Variants in NEB observed in about 807,000 individuals in gnomAD.
NEB encodes nebulin, also known as nemaline myopathy type 2.
In NEB, 512 loss-of-function variants were observed where a neutral mutation model predicts 952.2. The observed-to-expected ratio is 0.54, with a 90% CI of 0.50 to 0.58. The LOEUF (loss-of-function observed/expected upper bound fraction) is 0.58, where lower values mean the gene tolerates loss of function less well. Among genes scored for constraint, NEB ranks in the 20% least tolerant of loss-of-function variants. The pLI is 0.00. For synonymous variants in NEB, 2,900 were observed against 3,149.8 expected (o/e 0.92, Z 2.66); for missense variants, 8,428 against 9,231.1 (o/e 0.91, Z 3.56).
In NEB at chr2:151,725,462, T is replaced by C. The variant is rs2150795278; in HGVS notation, c.393A>G (p.Gln131=). The change falls in exon 6 of 182, where the codon CAA becomes CAG. Residue 131 remains glutamine (Q), a synonymous_variant. Coordinates refer to ENST00000397345, the MANE Select transcript of NEB (RefSeq NM_001164508.2). ...ELRRIKKVQD[Q]LSEVKYRMDG... is the part of the protein sequence containing the mutation. ...CAGCAATGCAGCCCACCTCACTGAG[T>C]TGATCTTGTACTTTTTTGATTCTGC... The C allele has an allele frequency of 6.2e-7, 1 of 1,612,786 alleles. No individual in the cohort carries two copies. Among genetic ancestry groups the C allele is most frequent in the Non-Finnish European group, 8.5e-7 (1 of 1,179,054 alleles).
chr2:151,527,622 A>C (rs368135985), intron 146 of NEB, 37 bp from the exon 147 acceptor site: 51 of 1,485,198 alleles, frequency 3.4e-5, no homozygotes, highest in Non-Finnish European at 4.6e-5. Context: ...CACTTGATTC[A>C]GTAGGCTAAA....
chr2:151,666,681 C>T (rs1315739931), intron 40 of NEB, among the ~76,000 whole-genome samples: 1 of 151,878 alleles, frequency 6.6e-6, no homozygotes, highest in Non-Finnish European at 1.5e-5. Context: ...GAGAAGTTGG[C>T]TTATGAAGCA....
chr2:151,571,104 C>T lies in NEB; in HGVS notation c.17014-503G>A, dbSNP rs190348020. Among the ~76,000 whole-genome samples, 32 of 152,292 alleles carry T rather than the reference C, an allele frequency of 2.1e-4. 1 individual carries two copies. The highest frequency in any genetic ancestry group is 4.3e-4 in the Non-Finnish European group (29 of 68,030). On this transcript the variant is annotated intron_variant, in intron 107 of 181. Coordinates refer to ENST00000397345, the MANE Select transcript of NEB (RefSeq NM_001164508.2). ...CACCCCAAACTCTGCCTCCCAGGCT[C>T]AAGCCATTCTCCTTCCTCAGCCTCC...
chr2:151,674,691 A>G, intron 35 of NEB, 107 bp from the exon 36 acceptor site: 1 of 785,780 alleles, frequency 1.3e-6, no homozygotes, highest in African/African-American at 1.7e-5. Context: ...CTCATAGCAC[A>G]TACTGCTTTA....
intron 41 of NEB, among the ~76,000 whole-genome samples, 180 bp downstream of exon 41, chr2:151,665,910 T>C (rs1263373473): frequency 3.3e-5 from 5 of 152,220 alleles, no homozygotes; most frequent in Non-Finnish European, 7.3e-5. Flanking sequence ...TTTGTATGCA[T>C]ATATATAAAA....
At position 151,519,861 on chromosome 2, in the gene NEB, A is replaced by G. The variant is rs2080718757; in HGVS notation, c.22480-93T>C. 5.0e-6 allele frequency: 4 copies of G among 801,220 alleles called. No homozygotes were observed. The Admixed American group carries it at 7.5e-5, about 15-fold the overall frequency. The allele number at this position is 801,220 out of a possible 1,614,324, so 49.6% of individuals were successfully genotyped here. A position where few individuals can be genotyped will look rare whatever the true frequency, so the allele number is the denominator to read the frequency against. Reference sequence around the variant, plus strand: ...GAAACACAAATGCCAAAGAATATGCATTGTACATAGAGTGATCATATAATC... The same window carrying G: ...GAAACACAAATGCCAAAGAATATGCGTTGTACATAGAGTGATCATATAATC... On this transcript the variant is annotated intron_variant, in intron 153 of 181. Coordinates refer to ENST00000397345, the MANE Select transcript of NEB (RefSeq NM_001164508.2).
At chr2:151,646,055 T>C in intron 55 of NEB, 75 bp downstream of exon 55, 1 of 1,117,002 alleles carries the variant, frequency 9.0e-7, no homozygotes, top group Non-Finnish European at 1.3e-6. Context: ...TTCAGAGAAC[T>C]TCTAGACAAT....
chr2:151,578,679 G>A (rs2096976340), intron 105 of NEB, among the ~76,000 whole-genome samples: 2 of 149,394 alleles, frequency 1.3e-5, no homozygotes, highest in Non-Finnish European at 3.0e-5. Context: ...GGGAAGGAGG[G>A]AAGGAAGGAA....
intron 78 of NEB, among the ~76,000 whole-genome samples, chr2:151,611,523 A>G (rs1010655617): frequency 6.6e-6 from 1 of 152,174 alleles, no homozygotes; most frequent in Admixed American, 6.5e-5. Flanking sequence ...TGAGCACTCA[A>G]TTGTACTAGC....
In NEB at chr2:151,524,395, G is replaced by T. The variant is rs1411071874; in HGVS notation, c.22395C>A (p.His7465Gln). ...TTAAGCCATGGCTGCCTTCCTTGCG[G>T]TGCTTGGCTCTGTACTCCACCTGAA... ...QASEVEYRAK[H>Q]RKEGSHGLSM... Residue 7465 changes from histidine to glutamine, a missense_variant, in exon 153 of 182, where the codon CAC (histidine) becomes CAA (glutamine). His to Gln is a conservative substitution (Grantham distance 24, BLOSUM62 0). This residue lies in a region of NEB where 3,374 missense variants were observed against 3,651.5 expected (regional missense o/e 0.92). Coordinates refer to ENST00000397345, the MANE Select transcript of NEB (RefSeq NM_001164508.2). The T allele has an allele frequency of 6.2e-7, 1 of 1,613,942 alleles. No individual in the cohort carries two copies. Among genetic ancestry groups the T allele is most frequent in the Admixed American group, 1.7e-5 (1 of 60,020 alleles).
chr2:151,650,420 C>T (rs2099018079), intron 53 of NEB, 41 bp from the exon 54 acceptor site: 5 of 1,586,532 alleles, frequency 3.2e-6, no homozygotes, highest in African/African-American at 2.7e-5. Flanking sequence ...CCCATTCTCA[C>T]CTGGACCCTT....
intron 13 of NEB, among the ~76,000 whole-genome samples, chr2:151,701,043 A>G (rs2099652219): frequency 3.8e-5 from 3 of 79,570 alleles, no homozygotes; most frequent in Non-Finnish European, 9.0e-5. Context: ...CGTCCCATCA[A>G]TACCTAATTT....
chr2:151,513,799 C>A, intron 159 of NEB, 106 bp from the exon 160 acceptor site: 1 of 781,506 alleles, frequency 1.3e-6, no homozygotes, highest in South Asian at 1.6e-5. Flanking sequence ...CCAGTTGTCA[C>A]AGATAGTGTC....
At chr2:151,712,147 A>G (rs2099747193) in intron 10 of NEB, among the ~76,000 whole-genome samples, 1 of 152,152 alleles carries the variant, frequency 6.6e-6, no homozygotes, top group South Asian at 2.1e-4. Context: ...CTCCTAATGC[A>G]TCATTTTTTG....
chr2:151,531,944 C>T, intron 143 of NEB, 48 bp from the exon 144 acceptor site: 3 of 1,215,178 alleles, frequency 2.5e-6, no homozygotes, highest in Non-Finnish European at 1.2e-6. Context: ...GTAGAGTGGG[C>T]TTTAAGGTAT....
Position 151,631,309 on chromosome 2 carries a change from A to G in NEB, c.9452T>C (p.Ile3151Thr), listed in dbSNP as rs1404847800. ...CATAGACCCAATGGGGACCCAGCCA[A>G]TGCCTCTCAGCCACTGGAGATCTGA... ...YKSDLQWLRG[I>T]GWVPIGSMDV... The change falls in exon 66 of 182, where the codon ATT becomes ACT. Residue 3151 changes from isoleucine to threonine, a missense_variant. Around this residue, in one of 11 missense-constraint regions of NEB, gnomAD observed 1,772 missense variants for 1,960.3 expected, o/e 0.90. Coordinates refer to ENST00000397345, the MANE Select transcript of NEB (RefSeq NM_001164508.2). 2 of 1,613,876 alleles carry G rather than the reference A, an allele frequency of 1.2e-6. No homozygotes were observed. The highest frequency in any genetic ancestry group is 2.7e-5 in the African/African-American group (2 of 75,036).
chr2:151,665,187 T>C (rs913482112), intron 42 of NEB, 146 bp downstream of exon 42: 10 of 727,924 alleles, frequency 1.4e-5, no homozygotes, highest in Non-Finnish European at 2.0e-5. Flanking sequence ...GCTCTAAACA[T>C]AATGGAAGCA....
chr2:151,664,412 G>T, intron 44 of NEB, 89 bp downstream of exon 44: 1 of 957,824 alleles, frequency 1.0e-6, no homozygotes, highest in Non-Finnish European at 1.5e-6. Context: ...AACCCTGAAT[G>T]GAGCTGACCA....
At chr2:151,555,357 A>G (rs1260816046) in intron 124 of NEB, among the ~76,000 whole-genome samples, 4 of 152,242 alleles carry the variant, frequency 2.6e-5, no homozygotes, top group Admixed American at 6.5e-5. Context: ...CAAGCAATTC[A>G]TTTTAAAGAT....
Sources: gnomAD v4.1 joint callset for allele counts (sites outside exome capture counted in the v4.1 genomes callset) on GRCh38, gnomAD v4.1.1 for gene constraint, gnomAD v4.1.1 regional missense constraint, MANE v1.5 for transcripts, NCBI Gene and HGNC (gene_info 2026-07-23, HGNC 2026-07-21) for gene names.